The following WWOX variants were observed in gnomAD, a reference collection of about 807,000 sequenced individuals.
WWOX encodes WW domain-containing oxidoreductase.
A neutral mutation model predicts 46.2 loss-of-function variants in WWOX; 69 were observed. That is an observed-to-expected ratio of 1.49 (90% CI 1.23 to 1.82). The LOEUF is 1.82. Ranked by LOEUF, WWOX falls within the 40% of genes most tolerant of loss-of-function variation. The pLI, the probability that WWOX is intolerant of heterozygous loss-of-function variation, is 0.00. For missense variants in WWOX, 919 were observed against 542.6 expected, an observed-to-expected ratio of 1.69 and a Z score of -6.89; for synonymous variants, 359 against 202.6, an observed-to-expected ratio of 1.77 and a Z score of -6.56.
chr16:79,209,542 A>AT lies in WWOX; in HGVS notation c.1057-2066_1057-2065insT, dbSNP rs375700283. Among the ~76,000 whole-genome samples, 1,087 of 152,276 alleles carry AT rather than the reference A, an allele frequency of 7.1e-3. 7 individuals are homozygous for AT. Among genetic ancestry groups the AT allele is most frequent in the African/African-American group, 0.025 (1,055 of 41,562 alleles). Reference sequence around the variant, plus strand: ...CGGGAGGCTGGACTTGAAATGGGTGAGCTGGATTCTCCCACCACTCGGGAG... The same window carrying AT: ...CGGGAGGCTGGACTTGAAATGGGTGATGCTGGATTCTCCCACCACTCGGGAG... On this transcript the variant is annotated intron_variant, in intron 8 of 8. Transcript: ENST00000566780.
chr16:78,615,430 C>A (rs952471958), intron 8 of WWOX, among the ~76,000 whole-genome samples: 2 of 152,042 alleles, frequency 1.3e-5, no homozygotes, highest in African/African-American at 2.4e-5. Flanking sequence ...AGGAGGATCT[C>A]CTGAAGCCCA....
At chr16:78,578,284 ATTTTT>A (rs1172203878) in intron 8 of WWOX, among the ~76,000 whole-genome samples, 3 of 20,844 alleles carry the variant, frequency 1.4e-4, no homozygotes, top group African/African-American at 4.5e-4. Context: ...ATATATATAT[ATTTTT>A]TTTTTTTTTT....
intron 8 of WWOX, among the ~76,000 whole-genome samples, chr16:78,915,453 T>A (rs1567646288): frequency 6.6e-6 from 1 of 152,158 alleles, no homozygotes; most frequent in South Asian, 2.1e-4. Flanking sequence ...ATGACTTGAT[T>A]GTTAGTAATG....
chr16:79,165,021 T>G (rs908357783), intron 8 of WWOX, among the ~76,000 whole-genome samples: 1 of 152,174 alleles, frequency 6.6e-6, no homozygotes, highest in Non-Finnish European at 1.5e-5. Flanking sequence ...GTATAGACTT[T>G]TAACCTCTAT....
chr16:78,103,850 G>C (rs1414382117), intron 1 of WWOX, among the ~76,000 whole-genome samples: 1 of 152,054 alleles, frequency 6.6e-6, no homozygotes, highest in African/African-American at 2.4e-5. Context: ...CCGGTCTTGT[G>C]TGGGTGCTGT....
chr16:78,333,161 C>G (rs945029397), intron 5 of WWOX, among the ~76,000 whole-genome samples: 7 of 149,138 alleles, frequency 4.7e-5, no homozygotes, highest in African/African-American at 1.7e-4. Flanking sequence ...GGCGATTCTC[C>G]TGCCTCAGCC....
At chr16:78,984,805 C>T (rs892212628) in intron 8 of WWOX, among the ~76,000 whole-genome samples, 2 of 152,098 alleles carry the variant, frequency 1.3e-5, no homozygotes, top group African/African-American at 4.8e-5. Context: ...ACCGGCAGCT[C>T]AGGTAAGGAA....
At chr16:78,593,386 A>T (rs2045397365) in intron 8 of WWOX, among the ~76,000 whole-genome samples, 1 of 152,168 alleles carries the variant, frequency 6.6e-6, no homozygotes, top group Non-Finnish European at 1.5e-5. Flanking sequence ...TTGTCTGCCC[A>T]GCATTTTCCC....
intron 8 of WWOX, among the ~76,000 whole-genome samples, chr16:78,474,014 CT>C (rs2084297326): frequency 6.6e-6 from 1 of 152,180 alleles, no homozygotes; most frequent in South Asian, 2.1e-4. Context: ...ATCAGGACCA[CT>C]TTTACAGAGA....
intron 8 of WWOX, among the ~76,000 whole-genome samples, chr16:78,615,982 C>T (rs2046014776): frequency 6.6e-6 from 1 of 152,122 alleles, no homozygotes; most frequent in South Asian, 2.1e-4. Flanking sequence ...GATCTCCTGA[C>T]CTCGTGATCT....
rs569334888 is a variant in WWOX, at chr16:78,350,824, A to G, written c.517-36036A>G. 8.4e-5 allele frequency among the ~76,000 whole-genome samples: 10 copies of G among 119,674 alleles called. 2 individuals carry two copies. The South Asian group carries it at 2.5e-3, about 30-fold the overall frequency. 78.5% of individuals were successfully genotyped at this position (119,674 alleles called of 152,430 possible). On this transcript the variant is annotated intron_variant, in intron 5 of 8. Transcript: ENST00000566780. ...TTTGGGGTATGCTCCTAAGAGTGCA[A>G]TTTCTGGATCACGTGGAACTCCTTG...
intron 8 of WWOX, among the ~76,000 whole-genome samples, chr16:78,686,345 A>C (rs965300076): frequency 2.0e-5 from 3 of 152,036 alleles, no homozygotes; most frequent in Non-Finnish European, 2.9e-5. Flanking sequence ...CCCCGCCTCT[A>C]CTAAAAATAC....
chr16:78,579,568 G>A (rs1216833306), intron 8 of WWOX, among the ~76,000 whole-genome samples: 3 of 152,144 alleles, frequency 2.0e-5, no homozygotes, highest in Non-Finnish European at 4.4e-5. Flanking sequence ...AGAGACTGCG[G>A]AAGTGGCTTT....
chr16:78,275,674 G>C (rs561480816), intron 5 of WWOX, among the ~76,000 whole-genome samples: 1 of 152,338 alleles, frequency 6.6e-6, no homozygotes, highest in Non-Finnish European at 1.5e-5. Flanking sequence ...AATGGATGGT[G>C]GAGAAGGGAG....
intron 8 of WWOX, among the ~76,000 whole-genome samples, chr16:78,500,069 A>G (rs1409312221): frequency 6.6e-6 from 1 of 152,178 alleles, no homozygotes; most frequent in Non-Finnish European, 1.5e-5. Context: ...CACAACAGCA[A>G]AGCAGACTAG....
rs574578938 is a variant in WWOX at position 78,738,111 on chromosome 16, C to T, written c.1056+305359C>T. On this transcript the variant is annotated intron_variant, in intron 8 of 8. Coordinates refer to ENST00000566780, the MANE Select transcript of WWOX (RefSeq NM_016373.4). ...AAGCTAGAGGTTCTAATTATGTCTT[C>T]CTGAAAAACAGTTCAATTAGGTAAA... Among the ~76,000 whole-genome samples the T allele has an allele frequency of 2.6e-5, 4 of 152,224 alleles. No homozygotes were observed. In the East Asian group the frequency reaches 7.7e-4, roughly 29 times the overall value.
At chr16:78,664,683 G>A (rs907935227) in intron 8 of WWOX, among the ~76,000 whole-genome samples, 1 of 152,136 alleles carries the variant, frequency 6.6e-6, no homozygotes, top group Non-Finnish European at 1.5e-5. Flanking sequence ...CATGCCGAAC[G>A]GCCAGCAGAG....
chr16:78,530,644 A>T (rs1000026138), intron 8 of WWOX, among the ~76,000 whole-genome samples: 4 of 152,098 alleles, frequency 2.6e-5, no homozygotes, highest in African/African-American at 9.7e-5. Context: ...AAAAACAGGG[A>T]TATATGTTCT....
At chr16:78,506,234 A>T (rs1399315510) in intron 8 of WWOX, among the ~76,000 whole-genome samples, 1 of 152,342 alleles carries the variant, frequency 6.6e-6, no homozygotes, top group Non-Finnish European at 1.5e-5. Context: ...GTGGACACAC[A>T]GGCTGTGTTC....
Sources: allele counts gnomAD v4.1 joint callset (sites outside exome capture counted in the v4.1 genomes callset), GRCh38; gene constraint gnomAD v4.1.1; transcripts MANE v1.5; gene names NCBI Gene and HGNC (gene_info 2026-07-23, HGNC 2026-07-21).